PTPRT: variants seen among roughly 807,000 people sequenced by gnomAD.
The protein encoded by PTPRT is receptor-type tyrosine-protein phosphatase T.
Under a neutral mutation model 176.8 loss-of-function variants are expected in PTPRT, and 56 were observed. That is an observed-to-expected ratio of 0.32 (90% CI 0.26 to 0.40). The LOEUF is 0.40. Ranked by LOEUF, PTPRT falls within the 10% of genes least tolerant of loss-of-function variation. The pLI, the probability that PTPRT is intolerant of heterozygous loss-of-function variation, is 1.00. For synonymous variants in PTPRT, 783 were observed against 739.0 expected (o/e 1.06, Z -0.96); for missense variants, 1,540 against 1,908.2 (o/e 0.81, Z 3.60).
At chr20:42,715,280 A>G (rs2076206265) in intron 6 of PTPRT, among the ~76,000 whole-genome samples, 1 of 152,246 alleles carries the variant, frequency 6.6e-6, no homozygotes, top group Admixed American at 6.5e-5. Flanking sequence ...CAAACAGGAC[A>G]TAAATAAGTA....
chr20:42,117,852 A>T (rs1987370483), intron 21 of PTPRT, among the ~76,000 whole-genome samples: 1 of 152,156 alleles, frequency 6.6e-6, no homozygotes. Flanking sequence ...GCATGTTTGT[A>T]TGCTAAGGGG....
chr20:43,142,263 G>C (rs1429763855), intron 1 of PTPRT, among the ~76,000 whole-genome samples: 2 of 152,220 alleles, frequency 1.3e-5, no homozygotes, highest in African/African-American at 4.8e-5. Context: ...TGAGCAGGAG[G>C]CTCCAAGGAA....
intron 5 of PTPRT, among the ~76,000 whole-genome samples, chr20:42,760,454 G>T (rs574253552): frequency 6.7e-6 from 1 of 148,396 alleles, no homozygotes; most frequent in African/African-American, 2.5e-5. Context: ...GGCAATACCA[G>T]GTGTGAGCAT....
intron 22 of PTPRT, among the ~76,000 whole-genome samples, chr20:42,112,445 T>C (rs1987052271): frequency 6.6e-6 from 1 of 152,204 alleles, no homozygotes; most frequent in Non-Finnish European, 1.5e-5. Flanking sequence ...TGCCACTTGC[T>C]CAGTCTGCCC....
Position 42,895,649 on chromosome 20 carries a change from A to G in PTPRT, c.89-9717T>C, listed in dbSNP as rs57443711. On this transcript the variant is annotated intron_variant, in intron 1 of 30. Transcript: ENST00000373187. Reference sequence around the variant, plus strand: ...TGTTATTGTTGTACAGAAACAATACAAAAAGAATGGGCATGACTGTGTTCT... The same window carrying G: ...TGTTATTGTTGTACAGAAACAATACGAAAAGAATGGGCATGACTGTGTTCT... Among the ~76,000 whole-genome samples, 692 of 152,348 alleles carry G rather than the reference A, an allele frequency of 4.5e-3. 5 individuals carry two copies. Among genetic ancestry groups the G allele is most frequent in the African/African-American group, 0.016 (648 of 41,584 alleles).
rs1978878989 is a variant in PTPRT, at chr20:42,917,836, T to C, written c.89-31904A>G. Among the ~76,000 whole-genome samples, 6 of 152,310 alleles carry C rather than the reference T, an allele frequency of 3.9e-5. No homozygotes were observed. In the South Asian group the frequency reaches 1.0e-3, roughly 26 times the overall value. On this transcript the variant is annotated intron_variant, in intron 1 of 30. Coordinates refer to ENST00000373187, the MANE Select transcript of PTPRT (RefSeq NM_007050.6). ...GGAGATAGTTAGCTCTTCTCCTTCATTCTCCATCTCATACAAAAGGAACTT... is the reference window on the plus strand; with the variant it reads ...GGAGATAGTTAGCTCTTCTCCTTCACTCTCCATCTCATACAAAAGGAACTT...
At chr20:42,861,689 AAACAAAAC>A (rs1278323375) in intron 2 of PTPRT, among the ~76,000 whole-genome samples, 4 of 152,126 alleles carry the variant, frequency 2.6e-5, no homozygotes, top group African/African-American at 9.6e-5. Flanking sequence ...GGATAAAACA[AAACAAAAC>A]AAAACAAAAC....
intron 11 of PTPRT, among the ~76,000 whole-genome samples, chr20:42,336,741 A>G (rs1280200987): frequency 1.3e-5 from 2 of 152,228 alleles, no homozygotes; most frequent in Non-Finnish European, 2.9e-5. Context: ...ATTTTCAACC[A>G]TATGGAAATA....
At chr20:42,182,227 C>A (rs1050016283) in intron 16 of PTPRT, among the ~76,000 whole-genome samples, 1 of 152,088 alleles carries the variant, frequency 6.6e-6, no homozygotes, top group African/African-American at 2.4e-5. Flanking sequence ...ATCTGGAGGG[C>A]AATGGGAAGC....
chr20:42,301,284 A>G (rs1365235620), intron 12 of PTPRT, among the ~76,000 whole-genome samples: 1 of 152,202 alleles, frequency 6.6e-6, no homozygotes, highest in Non-Finnish European at 1.5e-5. Flanking sequence ...TCCTGACAAA[A>G]ATGCATAACT....
At chr20:42,727,036 G>C (rs2146251817) in intron 6 of PTPRT, among the ~76,000 whole-genome samples, 1 of 152,230 alleles carries the variant, frequency 6.6e-6, no homozygotes, top group Non-Finnish European at 1.5e-5. Context: ...CTTTTTGCCT[G>C]CCAATACTCT....
At chr20:42,834,317 TG>T (rs1479585012) in intron 2 of PTPRT, among the ~76,000 whole-genome samples, 25 of 152,242 alleles carry the variant, frequency 1.6e-4, no homozygotes, top group Non-Finnish European at 1.5e-4. Context: ...CTGCACATTT[TG>T]TTAGGGGAGC....
intron 7 of PTPRT, among the ~76,000 whole-genome samples, chr20:42,558,090 T>G (rs566474626): frequency 7.2e-5 from 11 of 152,260 alleles, no homozygotes; most frequent in African/African-American, 2.6e-4. Context: ...ATCACTCAGG[T>G]ATTAAACCTA....
At chr20:42,753,346 C>T (rs756556746) in intron 6 of PTPRT, among the ~76,000 whole-genome samples, 1 of 152,168 alleles carries the variant, frequency 6.6e-6, no homozygotes, top group Non-Finnish European at 1.5e-5. Context: ...AATCAGGTAA[C>T]ATATGTTGAA....
chr20:42,614,766 G>A (rs2074037053), intron 7 of PTPRT, among the ~76,000 whole-genome samples: 1 of 152,086 alleles, frequency 6.6e-6, no homozygotes, highest in South Asian at 2.1e-4. Context: ...ATTTACAAAA[G>A]AAAGAGGTTT....
Position 42,780,234 on chromosome 20 carries a change from G to A in PTPRT, c.552C>T (p.Val184=), listed in dbSNP as rs368788783. Residue 184 remains valine, a synonymous_variant, in exon 4 of 31, where the codon GTC becomes GTT. Transcript: ENST00000373187. ...PGYIAVDEVR[V]LAHPCRKAPH... is the part of the protein sequence containing the mutation. ...AAGACTTACTGCATGGATGAGCAAG[G>A]ACCCGGACCTCGTCCACGGCGATGT... 1 of 1,613,758 alleles carries A rather than the reference G, an allele frequency of 6.2e-7. No individual in the cohort carries two copies. The highest frequency in any genetic ancestry group is 8.5e-7 in the Non-Finnish European group (1 of 1,179,786).
At chr20:42,134,681 T>C (rs1426502815) in intron 18 of PTPRT, among the ~76,000 whole-genome samples, 2 of 152,168 alleles carry the variant, frequency 1.3e-5, no homozygotes, top group Non-Finnish European at 2.9e-5. Context: ...TGATCAGTAA[T>C]GTCTGCTGAT....
chr20:42,736,239 G>C (rs546670093), intron 6 of PTPRT, among the ~76,000 whole-genome samples: 2 of 152,312 alleles, frequency 1.3e-5, no homozygotes, highest in South Asian at 2.1e-4. Context: ...ATTATAAAAT[G>C]GTTGATGAAG....
intron 27 of PTPRT, among the ~76,000 whole-genome samples, chr20:42,097,530 C>T (rs906063657): frequency 7.2e-5 from 11 of 152,206 alleles, no homozygotes; most frequent in African/African-American, 1.7e-4. Context: ...CTGGCCAACA[C>T]AGCACTTCAC....
Sources: gnomAD v4.1 joint callset for allele counts (sites outside exome capture counted in the v4.1 genomes callset) on GRCh38, gnomAD v4.1.1 for gene constraint, MANE v1.5 for transcripts, NCBI Gene and HGNC (gene_info 2026-07-23, HGNC 2026-07-21) for gene names.